The following NEK1 variants were observed in gnomAD, a reference collection of about 807,000 sequenced individuals.
NEK1 encodes the protein serine/threonine-protein kinase Nek1.
Under a neutral mutation model 182.1 loss-of-function variants are expected in NEK1, and 137 were observed. That is an observed-to-expected ratio of 0.75 (90% CI 0.65 to 0.87). The LOEUF is 0.87. NEK1 is among the 40% of genes least tolerant of loss of function. The pLI is 0.00. For synonymous variants in NEK1, 513 were observed against 492.2 expected, an observed-to-expected ratio of 1.04 and a Z score of -0.56; for missense variants, 1,391 against 1,494.4, an observed-to-expected ratio of 0.93 and a Z score of 1.14.
chr4:169,574,173 GAGAA>G (rs1048040228), intron 12 of NEK1, among the ~76,000 whole-genome samples: 11 of 152,032 alleles, frequency 7.2e-5, no homozygotes, highest in African/African-American at 2.7e-4. Context: ...GAAAAGAAAA[GAGAA>G]AGAAAGAAAA....
At position 169,487,188 on chromosome 4, in the gene NEK1, CATGTGCAGA is replaced by C. The variant is rs1749187879; in HGVS notation, c.2008-7663_2008-7655del. Among the ~76,000 whole-genome samples the C allele has an allele frequency of 7.9e-5, 12 of 152,098 alleles. No homozygotes were observed. In the South Asian group the frequency reaches 2.3e-3, roughly 29 times the overall value. On this transcript the variant is annotated intron_variant, in intron 23 of 35. Coordinates refer to ENST00000507142, the MANE Select transcript of NEK1 (RefSeq NM_001199397.3). ...TCCTTCACTTTTAAGTTCCAGGGTA[CATGTGCAGA>C]ATGTGCAGGCTTGTTATATAGGTAA...
chr4:169,506,646 G>A (rs553158715), intron 23 of NEK1: 195 of 153,198 alleles, frequency 1.3e-3, no homozygotes, highest in South Asian at 7.2e-3. Flanking sequence ...CCAGCTACTC[G>A]GGAGGCTGAG....
intron 10 of NEK1, among the ~76,000 whole-genome samples, chr4:169,584,395 T>C (rs1767183282): frequency 6.6e-6 from 1 of 152,144 alleles, no homozygotes; most frequent in African/African-American, 2.4e-5. Context: ...ACAGATCACT[T>C]GAGCTCAGGA....
intron 29 of NEK1, among the ~76,000 whole-genome samples, chr4:169,426,582 C>T (rs779540246): frequency 2.6e-5 from 4 of 152,176 alleles, no homozygotes; most frequent in Admixed American, 6.5e-5. Context: ...TGGGGGATAA[C>T]GCCCAGCAAT....
chr4:169,572,102 G>GT (rs1423591958), intron 12 of NEK1, among the ~76,000 whole-genome samples: 1 of 151,984 alleles, frequency 6.6e-6, no homozygotes, highest in Non-Finnish European at 1.5e-5. Flanking sequence ...GCAGGAGAGT[G>GT]TAACGATCTG....
intron 27 of NEK1, among the ~76,000 whole-genome samples, chr4:169,438,726 ATCCG>A (rs1160520895): frequency 3.9e-5 from 6 of 152,180 alleles, no homozygotes; most frequent in African/African-American, 1.2e-4. Flanking sequence ...ACTCCTATTA[ATCCG>A]TTGAAGATTT....
intron 19 of NEK1, among the ~76,000 whole-genome samples, chr4:169,512,574 TAAC>T (rs1754369899): frequency 6.6e-6 from 1 of 152,090 alleles, no homozygotes; most frequent in Admixed American, 6.5e-5. Context: ...TTCTTTCTCT[TAAC>T]AGGGTCTTTT....
intron 31 of NEK1, among the ~76,000 whole-genome samples, chr4:169,418,486 C>T (rs1734909813): frequency 6.6e-6 from 1 of 152,060 alleles, no homozygotes; most frequent in African/African-American, 2.4e-5. Flanking sequence ...GGAACTCGCA[C>T]ATAAGGATAT....
intron 31 of NEK1, 108 bp downstream of exon 31, chr4:169,424,445 T>C: frequency 7.9e-7 from 1 of 1,271,764 alleles, no homozygotes; most frequent in Non-Finnish European, 1.0e-6. Context: ...TGGATGTGTG[T>C]TTGTGTCTGT....
intron 23 of NEK1, among the ~76,000 whole-genome samples, chr4:169,493,915 A>G (rs535246167): frequency 6.6e-6 from 1 of 152,206 alleles, no homozygotes; most frequent in Non-Finnish European, 1.5e-5. Context: ...AGAGAGGTTG[A>G]TATGCAGACA....
rs534302932 is a variant in NEK1 at position 169,577,328 on chromosome 4, A to AATC, written c.869-252_869-250dup. Reference sequence around the variant, plus strand: ...TGAAGTTTTTAATATTAAAAAAAAAAATCCCTGAAATTGACTGTGAGTGAT... The same window carrying AATC: ...TGAAGTTTTTAATATTAAAAAAAAAAATCATCCCTGAAATTGACTGTGAGTGAT... On this transcript the variant is annotated intron_variant, in intron 11 of 35. Coordinates refer to ENST00000507142, the MANE Select transcript of NEK1 (RefSeq NM_001199397.3). Among the ~76,000 whole-genome samples, 13,404 of 151,994 alleles carry AATC rather than the reference A, an allele frequency of 0.088. 754 individuals carry two copies. Among genetic ancestry groups the AATC allele is most frequent in the African/African-American group, 0.16 (6,562 of 41,418 alleles).
In NEK1 at chr4:169,589,454, G is replaced by T; in HGVS notation, c.457C>A (p.Leu153Ile). ...GTTTAAAATTCATGTTACCTATTAAGAACTCTAGCAATTCCAAAATCTCCA... is the reference window on the plus strand; with the variant it reads ...GTTTAAAATTCATGTTACCTATTAATAACTCTAGCAATTCCAAAATCTCCA... ...QLGDFGIARV[L>I]NSTVELARTC... The change falls in exon 7 of 36, where the codon CTT becomes ATT. Residue 153 changes from leucine to isoleucine, a missense_variant. Coordinates refer to ENST00000507142, the MANE Select transcript of NEK1 (RefSeq NM_001199397.3). 2.0e-6 allele frequency: 3 copies of T among 1,495,724 alleles called. No individual in the cohort carries two copies. The highest frequency in any genetic ancestry group is 2.7e-6 in the Non-Finnish European group (3 of 1,103,348). The allele number at this position is 1,495,724 out of a possible 1,614,324, so 92.7% of individuals were successfully genotyped here. A position where few individuals can be genotyped will look rare whatever the true frequency, so the allele number is the denominator to read the frequency against.
intron 12 of NEK1, among the ~76,000 whole-genome samples, chr4:169,568,072 A>G (rs1410197585): frequency 1.3e-5 from 2 of 152,212 alleles, no homozygotes; most frequent in South Asian, 2.1e-4. Flanking sequence ...ACTTTCTATG[A>G]TATCATTTAT....
At chr4:169,493,472 G>A (rs181219737) in intron 23 of NEK1, among the ~76,000 whole-genome samples, 4 of 152,246 alleles carry the variant, frequency 2.6e-5, no homozygotes, top group Admixed American at 2.6e-4. Context: ...GATACATAAA[G>A]AACTTGGAAT....
chr4:169,546,290 G>A (rs182464401), intron 18 of NEK1, among the ~76,000 whole-genome samples: 27 of 152,238 alleles, frequency 1.8e-4, no homozygotes, highest in African/African-American at 6.5e-4. Context: ...GGAGTTGTGC[G>A]ATTTTGAGTG....
In NEK1 at chr4:169,412,095, T is replaced by C. The variant is rs143940360; in HGVS notation, c.3223-5348A>G. On this transcript the variant is annotated intron_variant, in intron 31 of 35. Coordinates refer to ENST00000507142, the MANE Select transcript of NEK1 (RefSeq NM_001199397.3). The stretch of plus-strand genomic sequence containing the variant: ...TTTTTGTCTGTTTTCCTCACTACTG[T>C]TAACTCTAGCATTTAGAGTGGTACC... Among the ~76,000 whole-genome samples, 3 of 152,352 alleles carry C rather than the reference T, an allele frequency of 2.0e-5. No individual in the cohort carries two copies. In the East Asian group the frequency reaches 5.8e-4, roughly 29 times the overall value.
At chr4:169,541,428 T>C (rs1459658280) in intron 18 of NEK1, among the ~76,000 whole-genome samples, 1 of 151,928 alleles carries the variant, frequency 6.6e-6, no homozygotes, top group East Asian at 1.9e-4. Context: ...TATTAAGAAA[T>C]TGCATATAAG....
Position 169,533,876 on chromosome 4 carries a change from C to T in NEK1, c.1665+3933G>A, listed in dbSNP as rs78631517. 8.2e-3 allele frequency among the ~76,000 whole-genome samples: 1,242 copies of T among 152,248 alleles called. 13 individuals carry two copies. The highest frequency in any genetic ancestry group is 0.028 in the African/African-American group (1,174 of 41,524). On this transcript the variant is annotated intron_variant, in intron 19 of 35. Coordinates refer to ENST00000507142, the MANE Select transcript of NEK1 (RefSeq NM_001199397.3). ...ATGTCCCTAGAATTGAAGATAAGTA[C>T]TCACATTGAAAGCATTCAGTGGAAA...
intron 23 of NEK1, among the ~76,000 whole-genome samples, chr4:169,501,893 C>A (rs1209603754): frequency 6.6e-6 from 1 of 151,860 alleles, no homozygotes; most frequent in South Asian, 2.1e-4. Flanking sequence ...AAAGAAATAA[C>A]TAAAATCAGA....
Sources: allele counts gnomAD v4.1 joint callset (sites outside exome capture counted in the v4.1 genomes callset), GRCh38; gene constraint gnomAD v4.1.1; transcripts MANE v1.5; gene names NCBI Gene and HGNC (gene_info 2026-07-23, HGNC 2026-07-21).